Variants in RALYL observed in about 807,000 individuals in gnomAD.
The protein encoded by RALYL is RNA-binding Raly-like protein.
A neutral mutation model predicts 35.1 loss-of-function variants in RALYL; 29 were observed. The ratio of observed to expected loss-of-function variants is 0.83; its 90% CI spans 0.61 to 1.13. The LOEUF is 1.13. Among genes scored for constraint, RALYL ranks in the 50% most tolerant of loss-of-function variants. RALYL has a pLI of 0.00. For missense variants in RALYL, 359 were observed against 360.4 expected (o/e 1.00, Z 0.03); for synonymous variants, 120 against 127.6 (o/e 0.94, Z 0.40).
intron 1 of RALYL, among the ~76,000 whole-genome samples, chr8:84,492,406 G>A (rs1288092053): frequency 6.6e-6 from 1 of 152,020 alleles, no homozygotes; most frequent in African/African-American, 2.4e-5. Context: ...TCATATCCAT[G>A]TTCCAAAAGC....
chr8:84,206,510 T>C (rs1322967186), intron 1 of RALYL, among the ~76,000 whole-genome samples: 7 of 152,178 alleles, frequency 4.6e-5, no homozygotes, highest in Non-Finnish European at 1.0e-4. Context: ...GATTAAGGAC[T>C]GAATTAGTGC....
At chr8:84,519,985 C>A (rs1392785227) in intron 1 of RALYL, among the ~76,000 whole-genome samples, 1 of 152,182 alleles carries the variant, frequency 6.6e-6, no homozygotes, top group Non-Finnish European at 1.5e-5. Flanking sequence ...GTGCACAAAC[C>A]CTGATAGTGT....
At chr8:84,397,609 T>C (rs930634711) in intron 1 of RALYL, among the ~76,000 whole-genome samples, 2 of 152,204 alleles carry the variant, frequency 1.3e-5, no homozygotes, top group African/African-American at 4.8e-5. Context: ...ACCACATTTA[T>C]TGATTTTTCA....
At chr8:84,381,914 T>C (rs2131611930) in intron 1 of RALYL, among the ~76,000 whole-genome samples, 1 of 151,872 alleles carries the variant, frequency 6.6e-6, no homozygotes, top group Non-Finnish European at 1.5e-5. Flanking sequence ...AATCTGTCCA[T>C]AGGGAAAAAT....
At chr8:84,674,121 A>G (rs530059952) in intron 2 of RALYL, among the ~76,000 whole-genome samples, 1 of 152,068 alleles carries the variant, frequency 6.6e-6, no homozygotes, top group East Asian at 1.9e-4. Flanking sequence ...TAAGTATTTT[A>G]TCCTTTTTGT....
chr8:84,524,708 A>G (rs553763260), intron 1 of RALYL, among the ~76,000 whole-genome samples: 2 of 152,194 alleles, frequency 1.3e-5, no homozygotes, highest in African/African-American at 4.8e-5. Flanking sequence ...TCTCTCAAAT[A>G]GAAATTAAAA....
chr8:84,864,822 A>T, intron 6 of RALYL: 1 of 604,618 alleles, frequency 1.7e-6, no homozygotes, highest in Non-Finnish European at 3.1e-6. Flanking sequence ...GTAGTAGTCA[A>T]TGTCATGGTC....
At chr8:84,806,256 A>G (rs1824572837) in intron 4 of RALYL, among the ~76,000 whole-genome samples, 1 of 152,284 alleles carries the variant, frequency 6.6e-6, no homozygotes, top group Non-Finnish European at 1.5e-5. Context: ...GGCCCAAAAA[A>G]AGTGATAAAG....
chr8:84,811,153 C>T (rs1825821930), intron 4 of RALYL, among the ~76,000 whole-genome samples: 1 of 151,792 alleles, frequency 6.6e-6, no homozygotes, highest in South Asian at 2.1e-4. Context: ...GATGCGTTTC[C>T]AGGATTTGTT....
rs571911780 is a variant in RALYL at position 84,188,019 on chromosome 8, C to T, written c.-24+3595C>T. On this transcript the variant is annotated intron_variant, in intron 1 of 8. Coordinates refer to ENST00000521268, the MANE Select transcript of RALYL (RefSeq NM_173848.7). Reference sequence around the variant, plus strand: ...TGTAAGATTGTTTGAATAGTAAGGACGAATTTGAGAAAAATATTTCAATTA... The same window carrying T: ...TGTAAGATTGTTTGAATAGTAAGGATGAATTTGAGAAAAATATTTCAATTA... 1.3e-3 allele frequency among the ~76,000 whole-genome samples: 193 copies of T among 152,124 alleles called. No individual in the cohort carries two copies. The Middle Eastern group carries it at 0.017, about 13-fold the overall frequency.
At chr8:84,327,795 C>T (rs778825795) in intron 1 of RALYL, among the ~76,000 whole-genome samples, 24 of 152,128 alleles carry the variant, frequency 1.6e-4, no homozygotes, top group Admixed American at 7.2e-4. Flanking sequence ...AGTAACAGCT[C>T]ATTTATTTTG....
At chr8:84,225,776 T>C (rs79633549) in intron 1 of RALYL, among the ~76,000 whole-genome samples, 3,122 of 152,286 alleles carry the variant, frequency 0.021, 51 homozygotes, top group Middle Eastern at 0.061. Flanking sequence ...CAGTCTCGAA[T>C]GTGTGTGCTT....
At chr8:84,262,398 T>G (rs1832489361) in intron 1 of RALYL, among the ~76,000 whole-genome samples, 1 of 152,182 alleles carries the variant, frequency 6.6e-6, no homozygotes, top group Non-Finnish European at 1.5e-5. Context: ...TCTTTCAATG[T>G]GTTATCAAAA....
At chr8:84,618,187 C>A (rs963634362) in intron 2 of RALYL, among the ~76,000 whole-genome samples, 5 of 151,812 alleles carry the variant, frequency 3.3e-5, no homozygotes, top group African/African-American at 1.2e-4. Context: ...CTTCCTTGTA[C>A]CTCTGGTAGA....
chr8:84,523,560 A>T (rs1187559291), intron 1 of RALYL, among the ~76,000 whole-genome samples: 1 of 151,568 alleles, frequency 6.6e-6, no homozygotes, highest in Admixed American at 6.6e-5. Context: ...ACATGTGCAC[A>T]TTGTGCAGGT....
At chr8:84,788,380 A>G (rs1820032535) in intron 3 of RALYL, among the ~76,000 whole-genome samples, 1 of 152,196 alleles carries the variant, frequency 6.6e-6, no homozygotes, top group African/African-American at 2.4e-5. Flanking sequence ...ATATGCAGAT[A>G]ATATTTTTCT....
intron 2 of RALYL, among the ~76,000 whole-genome samples, chr8:84,568,394 G>A (rs1188025948): frequency 1.3e-5 from 2 of 151,638 alleles, no homozygotes; most frequent in Non-Finnish European, 2.9e-5. Context: ...ATTATTTATG[G>A]CTGCATAGTA....
intron 4 of RALYL, among the ~76,000 whole-genome samples, chr8:84,840,505 A>T (rs560863234): frequency 6.6e-6 from 1 of 152,348 alleles, no homozygotes; most frequent in South Asian, 2.1e-4. Context: ...TGTACCTGAA[A>T]GTGACTGGGA....
chr8:84,614,773 T>G (rs1386539631), intron 2 of RALYL, among the ~76,000 whole-genome samples: 4 of 136,496 alleles, frequency 2.9e-5, no homozygotes, highest in Non-Finnish European at 4.7e-5. Flanking sequence ...CTCCCTTCTT[T>G]CCTTTTTTTT....
Sources: allele counts gnomAD v4.1 joint callset (sites outside exome capture counted in the v4.1 genomes callset), GRCh38; gene constraint gnomAD v4.1.1; transcripts MANE v1.5; gene names NCBI Gene and HGNC (gene_info 2026-07-23, HGNC 2026-07-21).